MYH14: variants seen among roughly 807,000 people sequenced by gnomAD.
MYH14 encodes the protein myosin-14.
Under a neutral mutation model 255.5 loss-of-function variants are expected in MYH14, and 123 were observed. That is an observed-to-expected ratio of 0.48 (90% CI 0.42 to 0.56). The LOEUF (loss-of-function observed/expected upper bound fraction) is 0.56, where lower values mean the gene tolerates loss of function less well. MYH14 is among the 20% of genes least tolerant of loss of function. MYH14 has a pLI of 0.00. For missense variants in MYH14, 2,423 were observed against 2,802.3 expected (o/e 0.86, Z 3.06); for synonymous variants, 1,095 against 1,161.2 (o/e 0.94, Z 1.16).
chr19:50,278,498 C>T (rs908536787), intron 30 of MYH14, among the ~76,000 whole-genome samples: 1 of 151,656 alleles, frequency 6.6e-6, no homozygotes. Context: ...CCCAGGAGTT[C>T]GAGACCAGCC....
chr19:50,214,632 A>G (rs1007355908), intron 2 of MYH14, among the ~76,000 whole-genome samples: 1 of 152,146 alleles, frequency 6.6e-6, no homozygotes, highest in Non-Finnish European at 1.5e-5. Flanking sequence ...CCTTCATTCA[A>G]ATTCACACAC....
Position 50,222,985 on chromosome 19 carries a change from G to A in MYH14, c.563-98G>A. The A allele has an allele frequency of 2.5e-6, 3 of 1,201,878 alleles. No homozygotes were observed. The Admixed American group carries it at 5.0e-5, about 20-fold the overall frequency. 74.5% of individuals were successfully genotyped at this position (1,201,878 alleles called of 1,614,324 possible). ...AGACCCAAGCTTTTCCTTACTCCCT[G>A]GGAATAATTTTTAAAATGCAGCGGC... On this transcript the variant is annotated intron_variant, in intron 3 of 42. Transcript: ENST00000642316.
At chr19:50,260,097 A>G (rs2034766097) in intron 19 of MYH14, among the ~76,000 whole-genome samples, 1 of 152,244 alleles carries the variant, frequency 6.6e-6, no homozygotes, top group African/African-American at 2.4e-5. Flanking sequence ...ATTAATTTTA[A>G]CAAGATATTT....
At chr19:50,234,888 C>T (rs2033586605) in intron 10 of MYH14, among the ~76,000 whole-genome samples, 1 of 152,198 alleles carries the variant, frequency 6.6e-6, no homozygotes, top group South Asian at 2.1e-4. Context: ...ACCAAGCCTT[C>T]CCACTCTTCC....
intron 10 of MYH14, among the ~76,000 whole-genome samples, chr19:50,235,425 G>C (rs2123252792): frequency 6.6e-6 from 1 of 150,704 alleles, no homozygotes; most frequent in Non-Finnish European, 1.5e-5. Flanking sequence ...CCTTCCACTA[G>C]AGACCCCCCT....
At chr19:50,240,358 C>T (rs931471301) in intron 10 of MYH14, among the ~76,000 whole-genome samples, 3 of 151,040 alleles carry the variant, frequency 2.0e-5, no homozygotes, top group Non-Finnish European at 2.9e-5. Flanking sequence ...TTAGGAGAAT[C>T]GCTTGAGCCG....
chr19:50,210,440 G>A lies in MYH14; in HGVS notation c.75G>A (p.Gln25=). 1.9e-6 allele frequency: 3 copies of A among 1,554,564 alleles called. No individual in the cohort carries two copies. The highest frequency in any genetic ancestry group is 2.6e-6 in the Non-Finnish European group (3 of 1,150,856). The change falls in exon 2 of 43, where the codon CAG becomes CAA. Residue 25 remains glutamine (Q), a synonymous_variant. Transcript: ENST00000642316. ...CGGGCCCAGTGCCCGAGGCGGCCCA[G>A]CCGTTCCTGTTCACGCCCCGCGGGC... is the stretch of plus-strand genomic sequence containing the variant. The part of the protein sequence containing the change: ...PRPGPVPEAA[Q]PFLFTPRGPS...
Position 50,293,341 on chromosome 19 carries a change from GA to G in MYH14, c.5345+22del, listed in dbSNP as rs1453372958. 9.5e-6 allele frequency: 15 copies of G among 1,579,590 alleles called. No individual in the cohort carries two copies. Among genetic ancestry groups the G allele is most frequent in the Non-Finnish European group, 1.1e-5 (13 of 1,160,276 alleles). On this transcript the variant is annotated intron_variant, in intron 38 of 42. Coordinates refer to ENST00000642316, the MANE Select transcript of MYH14 (RefSeq NM_001145809.2). This position sits in a 1 kb window ranked among gnomAD's most constrained non-coding sequence, Gnocchi z 4.1. The stretch of plus-strand genomic sequence containing the variant: ...TAGCAAGTAAGTGCCCCAAGGGTCT[GA>G]AGGCTGAGGTACTGCGTCTGCAGGA...
chr19:50,213,372 C>G (rs377673970), intron 2 of MYH14, among the ~76,000 whole-genome samples: 2 of 152,162 alleles, frequency 1.3e-5, no homozygotes, highest in Non-Finnish European at 2.9e-5. Flanking sequence ...TGAACATAAG[C>G]CCCACAACTA....
intron 26 of MYH14, 26 bp downstream of exon 26, chr19:50,271,998 G>A (rs776746153): frequency 7.2e-5 from 115 of 1,601,472 alleles, no homozygotes; most frequent in Non-Finnish European, 9.3e-5. Flanking sequence ...GCCAGTAGGG[G>A]TCTGTGTGTG....
At chr19:50,295,005 G>GTT (rs1195396880) in intron 39 of MYH14, among the ~76,000 whole-genome samples, 9 of 143,068 alleles carry the variant, frequency 6.3e-5, no homozygotes, top group Non-Finnish European at 9.0e-5. Flanking sequence ...AAGAGATTAA[G>GTT]TTTTTTTTTT....
chr19:50,237,676 G>T (rs960656626), intron 10 of MYH14, among the ~76,000 whole-genome samples: 8 of 152,106 alleles, frequency 5.3e-5, no homozygotes, highest in African/African-American at 1.9e-4. Flanking sequence ...CTGTCCACAG[G>T]GTGGCGCTAG....
intron 10 of MYH14, among the ~76,000 whole-genome samples, chr19:50,241,797 C>T (rs1439659240): frequency 1.3e-5 from 2 of 152,244 alleles, no homozygotes; most frequent in African/African-American, 4.8e-5. Flanking sequence ...CATCCACCAC[C>T]ATGGCCACCT....
chr19:50,261,466 C>A lies in MYH14; in HGVS notation c.2425-9C>A, dbSNP rs757504576. On this transcript the variant is annotated splice_polypyrimidine_tract_variant and intron_variant, in intron 20 of 42. Coordinates refer to ENST00000642316, the MANE Select transcript of MYH14 (RefSeq NM_001145809.2). ...CTCTCCGTCATCACCCCTCTCCCACCCCTCACAGATCCAGGCGCTGGAACT... is the reference window on the plus strand; with the variant it reads ...CTCTCCGTCATCACCCCTCTCCCACACCTCACAGATCCAGGCGCTGGAACT... 5 of 1,446,648 alleles carry A rather than the reference C, an allele frequency of 3.5e-6. No homozygotes were observed. In the East Asian group the frequency reaches 8.5e-5, roughly 25 times the overall value. 89.6% of individuals were successfully genotyped at this position (1,446,648 alleles called of 1,614,324 possible).
In MYH14 at chr19:50,276,470, C is replaced by T. The variant is rs943782960; in HGVS notation, c.3680+267C>T. Among the ~76,000 whole-genome samples, 9 of 152,172 alleles carry T rather than the reference C, an allele frequency of 5.9e-5. 1 individual carries two copies. Among genetic ancestry groups the T allele is most frequent in the East Asian group, 3.9e-4 (2 of 5,170 alleles). ...CAAGGGGTGCTTTAGCGGAGTAACA[C>T]GGGGCACTGTGGGTGATAAGTGAAG... On this transcript the variant is annotated intron_variant, in intron 28 of 42. Coordinates refer to ENST00000642316, the MANE Select transcript of MYH14 (RefSeq NM_001145809.2). This position sits in a 1 kb window ranked among gnomAD's most constrained non-coding sequence, Gnocchi z 4.3.
At chr19:50,213,344 A>C (rs1314678239) in intron 2 of MYH14, among the ~76,000 whole-genome samples, 1 of 152,208 alleles carries the variant, frequency 6.6e-6, no homozygotes, top group Non-Finnish European at 1.5e-5. Flanking sequence ...GCTGAGCCTC[A>C]GACTAGGGGG....
At chr19:50,246,766 A>C (rs774929619) in intron 11 of MYH14, among the ~76,000 whole-genome samples, 30 of 152,238 alleles carry the variant, frequency 2.0e-4, no homozygotes, top group Admixed American at 1.0e-3. Context: ...ACTGCGCTGA[A>C]CATCCTTGTG....
chr19:50,220,028 CT>C (rs1186993596), intron 3 of MYH14, among the ~76,000 whole-genome samples: 1 of 152,024 alleles, frequency 6.6e-6, no homozygotes, highest in Non-Finnish European at 1.5e-5. Context: ...TAACAAGACC[CT>C]GTCTCTACAA....
intron 1 of MYH14, among the ~76,000 whole-genome samples, chr19:50,207,837 CT>C (rs1294960977): frequency 1.3e-5 from 2 of 152,200 alleles, no homozygotes; most frequent in African/African-American, 4.8e-5. Context: ...CTTACATCCC[CT>C]CCCACCCTCT....
Sources: gnomAD v4.1 joint callset for allele counts (sites outside exome capture counted in the v4.1 genomes callset) on GRCh38, gnomAD v4.1.1 for gene constraint, Gnocchi (gnomAD v3.1) non-coding constraint, MANE v1.5 for transcripts, NCBI Gene and HGNC (gene_info 2026-07-23, HGNC 2026-07-21) for gene names.